The following ATRNL1 variants were observed in gnomAD, a reference collection of about 807,000 sequenced individuals.
ATRNL1 encodes the protein attractin-like protein 1.
Under a neutral mutation model 182.7 loss-of-function variants are expected in ATRNL1, and 95 were observed. The ratio of observed to expected loss-of-function variants is 0.52; its 90% CI spans 0.44 to 0.62. The LOEUF (loss-of-function observed/expected upper bound fraction) is 0.62. ATRNL1 is among the 20% of genes least tolerant of loss of function. The probability of loss-of-function intolerance (pLI) is 0.00; values close to 1 mark genes in which losing one functional copy is unlikely to be tolerated. For synonymous variants in ATRNL1, 576 were observed against 568.3 expected (o/e 1.01, Z -0.19); for missense variants, 1,471 against 1,679.5 (o/e 0.88, Z 2.17).
At chr10:115,679,492 G>T (rs530796253) in intron 26 of ATRNL1, among the ~76,000 whole-genome samples, 6 of 151,874 alleles carry the variant, frequency 4.0e-5, no homozygotes, top group East Asian at 3.9e-4. Flanking sequence ...CTTTCTCTCC[G>T]CATACTTCAC....
chr10:115,881,242 C>T (rs1173708399), intron 28 of ATRNL1, among the ~76,000 whole-genome samples: 3 of 152,234 alleles, frequency 2.0e-5, no homozygotes, highest in African/African-American at 7.2e-5. Context: ...CCACCACTAG[C>T]TTTCATTGCC....
chr10:115,257,894 T>C (rs1554907488), intron 10 of ATRNL1, among the ~76,000 whole-genome samples: 1 of 152,264 alleles, frequency 6.6e-6, no homozygotes, highest in East Asian at 1.9e-4. Flanking sequence ...TATGAAATTC[T>C]GGGTTGAAAA....
At chr10:115,594,976 G>A (rs1454609107) in intron 26 of ATRNL1, among the ~76,000 whole-genome samples, 3 of 152,124 alleles carry the variant, frequency 2.0e-5, no homozygotes, top group Non-Finnish European at 4.4e-5. Flanking sequence ...GGTGTAATTT[G>A]CATACAGAAC....
intron 25 of ATRNL1, among the ~76,000 whole-genome samples, chr10:115,526,826 G>A (rs570177186): frequency 6.6e-6 from 1 of 152,262 alleles, no homozygotes; most frequent in East Asian, 1.9e-4. Context: ...ACCTGCCTTT[G>A]TGAGGGAGAG....
intron 5 of ATRNL1, among the ~76,000 whole-genome samples, chr10:115,134,453 C>T (rs1244272682): frequency 1.3e-5 from 2 of 152,116 alleles, no homozygotes; most frequent in Admixed American, 6.6e-5. Flanking sequence ...TGGATAATTT[C>T]TCGACACACA....
At chr10:115,782,934 A>G (rs1949302363) in intron 27 of ATRNL1, among the ~76,000 whole-genome samples, 1 of 152,200 alleles carries the variant, frequency 6.6e-6, no homozygotes, top group African/African-American at 2.4e-5. Flanking sequence ...CTGATCAAAT[A>G]TATTTGTTAG....
At chr10:115,825,899 ACTATTC>A (rs1352932907) in intron 27 of ATRNL1, among the ~76,000 whole-genome samples, 2 of 152,128 alleles carry the variant, frequency 1.3e-5, no homozygotes, top group Non-Finnish European at 2.9e-5. Context: ...TCCCACTTGA[ACTATTC>A]CACCTGTTAA....
intron 26 of ATRNL1, among the ~76,000 whole-genome samples, chr10:115,723,292 G>T (rs1276970719): frequency 6.6e-6 from 1 of 152,148 alleles, no homozygotes; most frequent in Admixed American, 6.5e-5. Flanking sequence ...GAAGACAATT[G>T]CAGGCAGAGT....
chr10:115,154,523 T>C (rs944482990), intron 5 of ATRNL1, among the ~76,000 whole-genome samples: 2 of 152,160 alleles, frequency 1.3e-5, no homozygotes, highest in Admixed American at 1.3e-4. Flanking sequence ...TTTTGATCTT[T>C]GTTGGTTTAA....
intron 26 of ATRNL1, among the ~76,000 whole-genome samples, chr10:115,606,040 C>T (rs939299253): frequency 1.3e-5 from 2 of 151,654 alleles, no homozygotes; most frequent in South Asian, 2.1e-4. Flanking sequence ...ATATTTTTAT[C>T]TGAGTTTATT....
chr10:115,674,390 A>T (rs1362374913), intron 26 of ATRNL1, among the ~76,000 whole-genome samples: 3 of 152,116 alleles, frequency 2.0e-5, no homozygotes, highest in Non-Finnish European at 4.4e-5. Flanking sequence ...GTGTAAGTGA[A>T]AAACAGACAT....
chr10:115,237,061 T>C (rs1850217348), intron 9 of ATRNL1, among the ~76,000 whole-genome samples: 1 of 152,224 alleles, frequency 6.6e-6, no homozygotes, highest in South Asian at 2.1e-4. Flanking sequence ...TTCCTTTATG[T>C]CTCTTCATGA....
At chr10:115,550,836 A>G (rs1554995393) in intron 26 of ATRNL1, among the ~76,000 whole-genome samples, 1 of 151,788 alleles carries the variant, frequency 6.6e-6, no homozygotes, top group African/African-American at 2.4e-5. Flanking sequence ...CTAATGGAAT[A>G]AGGCAAGTGA....
chr10:115,788,759 A>G lies in ATRNL1; in HGVS notation c.3904-59118A>G, dbSNP rs574754016. Among the ~76,000 whole-genome samples, 10 of 152,360 alleles carry G rather than the reference A, an allele frequency of 6.6e-5. No homozygotes were observed. In the South Asian group the frequency reaches 1.9e-3, roughly 28 times the overall value. On this transcript the variant is annotated intron_variant, in intron 27 of 28. Transcript: ENST00000355044. ...TGGCAGTGTTAGAATGGCAGGCAGT[A>G]AAACAAATCATCAACTAGACCTACA... is the stretch of plus-strand genomic sequence containing the variant.
At chr10:115,462,059 A>G (rs782150423) in intron 22 of ATRNL1, 24 bp downstream of exon 22, 72 of 1,532,326 alleles carry the variant, frequency 4.7e-5, no homozygotes, top group Non-Finnish European at 6.1e-5. Context: ...GTTATCTTTT[A>G]AAGTATAATT....
chr10:115,657,522 A>T, intron 26 of ATRNL1, among the ~76,000 whole-genome samples: 1 of 152,202 alleles, frequency 6.6e-6, no homozygotes, highest in East Asian at 1.9e-4. Context: ...GTATTTACAT[A>T]AAAATATAGT....
intron 13 of ATRNL1, among the ~76,000 whole-genome samples, chr10:115,268,856 G>A (rs536186120): frequency 2.6e-5 from 4 of 152,296 alleles, no homozygotes; most frequent in South Asian, 2.1e-4. Flanking sequence ...CACTTTGTGT[G>A]TAAGTTTAAC....
chr10:115,787,412 T>G (rs1949423085), intron 27 of ATRNL1, among the ~76,000 whole-genome samples: 1 of 150,978 alleles, frequency 6.6e-6, no homozygotes, highest in African/African-American at 2.4e-5. Flanking sequence ...TACTATTCTT[T>G]ACTTTCTTGG....
chr10:115,691,876 A>C (rs1245506158), intron 26 of ATRNL1, among the ~76,000 whole-genome samples: 1 of 152,032 alleles, frequency 6.6e-6, no homozygotes, highest in African/African-American at 2.4e-5. Flanking sequence ...GTCATTTACC[A>C]GGTATATAGT....
Sources: gnomAD v4.1 joint callset for allele counts (sites outside exome capture counted in the v4.1 genomes callset) on GRCh38, gnomAD v4.1.1 for gene constraint, MANE v1.5 for transcripts, NCBI Gene and HGNC (gene_info 2026-07-23, HGNC 2026-07-21) for gene names.